Variants in TMCC3 observed in about 807,000 individuals in gnomAD.
The protein encoded by TMCC3 is transmembrane and coiled-coil domain family 3, also known as transmembrane and coiled-coil domain protein 3.
A neutral mutation model predicts 40.2 loss-of-function variants in TMCC3; 28 were observed. The ratio of observed to expected loss-of-function variants is 0.70; its 90% CI spans 0.52 to 0.95. The LOEUF (loss-of-function observed/expected upper bound fraction) is 0.95. TMCC3 is among the 40% of genes least tolerant of loss of function. The probability of loss-of-function intolerance (pLI) is 0.00; values close to 1 mark genes in which losing one functional copy is unlikely to be tolerated. For missense variants in TMCC3, 554 were observed against 615.2 expected, an observed-to-expected ratio of 0.90 and a Z score of 1.05; for synonymous variants, 255 against 248.5, an observed-to-expected ratio of 1.03 and a Z score of -0.25.
chr12:94,581,582 TAAAAA>T (rs1275918767), intron 2 of TMCC3, 35 bp downstream of exon 2: 1 of 1,234,708 alleles, frequency 8.1e-7, no homozygotes, highest in East Asian at 3.0e-5. Context: ...AATAAATAAA[TAAAAA>T]ATAAAAAACA....
At chr12:94,582,597 A>G in intron 1 of TMCC3, 59 bp from the exon 2 acceptor site, 1 of 1,448,028 alleles carries the variant, frequency 6.9e-7, no homozygotes. Flanking sequence ...AATTACTGTG[A>G]CAGAATCTAT....
At chr12:94,592,722 C>T (rs1390107704) in intron 1 of TMCC3, among the ~76,000 whole-genome samples, 1 of 141,654 alleles carries the variant, frequency 7.1e-6, no homozygotes, top group African/African-American at 2.6e-5. Context: ...AATCTCATTA[C>T]TCTGGAATTA....
intron 1 of TMCC3, among the ~76,000 whole-genome samples, chr12:94,642,730 A>C (rs183176736): frequency 6.6e-6 from 1 of 152,210 alleles, no homozygotes; most frequent in Non-Finnish European, 1.5e-5. Context: ...TACTGTTATT[A>C]TTCTTCCTCT....
At chr12:94,623,781 A>G (rs934135559) in intron 1 of TMCC3, among the ~76,000 whole-genome samples, 20 of 152,230 alleles carry the variant, frequency 1.3e-4, no homozygotes, top group African/African-American at 4.8e-4. Context: ...AGAGCCTTCC[A>G]ACCCTGGACC....
intron 1 of TMCC3, among the ~76,000 whole-genome samples, chr12:94,649,050 C>A (rs917579329): frequency 2.0e-5 from 3 of 152,088 alleles, no homozygotes; most frequent in Non-Finnish European, 4.4e-5. Context: ...CAAACTGTTA[C>A]GAAACTTATA....
intron 1 of TMCC3, among the ~76,000 whole-genome samples, chr12:94,642,817 C>A (rs2068997802): frequency 6.6e-6 from 1 of 152,204 alleles, no homozygotes; most frequent in Admixed American, 6.5e-5. Context: ...CCGTTTAATT[C>A]TCACAACAGT....
chr12:94,625,066 C>T (rs531150608), intron 1 of TMCC3, among the ~76,000 whole-genome samples: 70 of 146,346 alleles, frequency 4.8e-4, no homozygotes, highest in South Asian at 2.0e-3. Flanking sequence ...CGCTTGAATC[C>T]GGGAGGCCAA....
At chr12:94,577,105 A>C (rs2068569777) in intron 3 of TMCC3, among the ~76,000 whole-genome samples, 1 of 152,200 alleles carries the variant, frequency 6.6e-6, no homozygotes, top group Non-Finnish European at 1.5e-5. Flanking sequence ...AAACCTGTGA[A>C]GTGTTTTGCT....
At chr12:94,612,280 T>G (rs575541742) in intron 1 of TMCC3, among the ~76,000 whole-genome samples, 144 of 151,932 alleles carry the variant, frequency 9.5e-4, no homozygotes, top group Middle Eastern at 3.2e-3. Flanking sequence ...ATTACAGGCA[T>G]GAGCCAGCGT....
intron 1 of TMCC3, among the ~76,000 whole-genome samples, chr12:94,626,716 TGGGTAGAAGA>T (rs1243022098): frequency 2.0e-5 from 3 of 152,126 alleles, no homozygotes; most frequent in Non-Finnish European, 4.4e-5. Context: ...GGGCACAGGT[TGGGTAGAAGA>T]GCACCCAAGC....
intron 1 of TMCC3, among the ~76,000 whole-genome samples, chr12:94,619,479 C>T (rs1396363420): frequency 6.6e-6 from 1 of 152,172 alleles, no homozygotes; most frequent in Non-Finnish European, 1.5e-5. Flanking sequence ...CATGTCATTC[C>T]TCCAGGCAGA....
At chr12:94,594,754 A>G (rs1230224410) in intron 1 of TMCC3, among the ~76,000 whole-genome samples, 2 of 152,226 alleles carry the variant, frequency 1.3e-5, no homozygotes, top group Non-Finnish European at 2.9e-5. Flanking sequence ...CTGCCCTGGC[A>G]GCCCAGTCTT....
chr12:94,606,566 G>A (rs1325306421), intron 1 of TMCC3, among the ~76,000 whole-genome samples: 3 of 151,768 alleles, frequency 2.0e-5, no homozygotes, highest in Non-Finnish European at 4.4e-5. Context: ...GGGTATCGGG[G>A]GAACCAGCCC....
At chr12:94,649,349 G>C (rs979245862) in intron 1 of TMCC3, among the ~76,000 whole-genome samples, 28 of 152,298 alleles carry the variant, frequency 1.8e-4, no homozygotes, top group African/African-American at 6.5e-4. Context: ...CTCGATCTTG[G>C]AAGTGGCAGG....
chr12:94,623,626 T>C (rs1488009783), intron 1 of TMCC3, among the ~76,000 whole-genome samples: 1 of 152,260 alleles, frequency 6.6e-6, no homozygotes, highest in African/African-American at 2.4e-5. Context: ...CCAGTCTGGC[T>C]ACACCCACGT....
intron 1 of TMCC3, among the ~76,000 whole-genome samples, chr12:94,609,261 C>T (rs1322075043): frequency 6.6e-6 from 1 of 152,104 alleles, no homozygotes; most frequent in East Asian, 1.9e-4. Flanking sequence ...AAAAAGAAAT[C>T]AAGGAATTTG....
At chr12:94,641,293 GC>G (rs2068989340) in intron 1 of TMCC3, among the ~76,000 whole-genome samples, 1 of 152,164 alleles carries the variant, frequency 6.6e-6, no homozygotes, top group South Asian at 2.1e-4. Context: ...TTGCTGACTG[GC>G]TGTATGGGAA....
At position 94,571,582 on chromosome 12, in the gene TMCC3, C is replaced by G; in HGVS notation, c.1287G>C (p.Val429=). 1.2e-6 allele frequency: 2 copies of G among 1,614,116 alleles called. No homozygotes were observed. The highest frequency in any genetic ancestry group is 1.7e-6 in the Non-Finnish European group (2 of 1,180,024). The change falls in exon 4 of 4, where the codon GTG becomes GTC. Residue 429 remains valine (V), a synonymous_variant. Transcript: ENST00000261226. ...LAFMTVILVC[V]STIAKFVSPM... ...GTGAGACGAACTTCGCGATGGTGGA[C>G]ACACACACTAAGATGACAGTCATGA...
At chr12:94,590,954 C>A in intron 1 of TMCC3, 1 of 576,604 alleles carries the variant, frequency 1.7e-6, no homozygotes, top group South Asian at 1.4e-5. Flanking sequence ...AGATCACATG[C>A]TTATGATCAA....
Sources: allele counts gnomAD v4.1 joint callset (sites outside exome capture counted in the v4.1 genomes callset), GRCh38; gene constraint gnomAD v4.1.1; transcripts MANE v1.5; gene names NCBI Gene and HGNC (gene_info 2026-07-23, HGNC 2026-07-21).